The following RALGAPA2 variants were observed in gnomAD, a reference collection of about 807,000 sequenced individuals.
RALGAPA2 encodes the protein Ral GTPase activating protein catalytic subunit alpha 2.
A neutral mutation model predicts 230.4 loss-of-function variants in RALGAPA2; 139 were observed. The ratio of observed to expected loss-of-function variants is 0.60; its 90% CI spans 0.53 to 0.69. The LOEUF (loss-of-function observed/expected upper bound fraction) is 0.69, where lower values mean the gene tolerates loss of function less well. RALGAPA2 is among the 30% of genes least tolerant of loss of function. The probability of loss-of-function intolerance (pLI) is 0.00; values close to 1 mark genes in which losing one functional copy is unlikely to be tolerated. For missense variants in RALGAPA2, 2,163 were observed against 2,276.0 expected (o/e 0.95, Z 1.01); for synonymous variants, 847 against 837.8 (o/e 1.01, Z -0.19).
chr20:20,533,075 G>A (rs2063408449), intron 26 of RALGAPA2, among the ~76,000 whole-genome samples: 1 of 151,250 alleles, frequency 6.6e-6, no homozygotes, highest in Admixed American at 6.6e-5. Flanking sequence ...AATGGGATGG[G>A]GAAATGAAGG....
intron 4 of RALGAPA2, among the ~76,000 whole-genome samples, chr20:20,648,633 G>A (rs977447280): frequency 3.3e-5 from 5 of 152,036 alleles, no homozygotes; most frequent in African/African-American, 9.7e-5. Context: ...AGAGATCAGT[G>A]TCTGAAGCCA....
At chr20:20,668,395 T>G (rs1353857362) in intron 3 of RALGAPA2, among the ~76,000 whole-genome samples, 3 of 152,120 alleles carry the variant, frequency 2.0e-5, no homozygotes, top group Non-Finnish European at 4.4e-5. Context: ...AGAGCGAGAC[T>G]GTGTCTCAAA....
At chr20:20,576,450 A>G (rs2064821885) in intron 20 of RALGAPA2, among the ~76,000 whole-genome samples, 1 of 152,122 alleles carries the variant, frequency 6.6e-6, no homozygotes, top group South Asian at 2.1e-4. Context: ...TTGTTCCTCA[A>G]TTGGAATCTA....
In RALGAPA2 at chr20:20,546,704, C is replaced by G. The variant is rs545779686; in HGVS notation, c.3285G>C (p.Thr1095=). Residue 1095 remains threonine, a splice_region_variant and synonymous_variant, in exon 24 of 40, where the codon ACG becomes ACC. Transcript: ENST00000202677. ...GGATGCTGAGCATTGTCATACTCAC[C>G]GTCAAAATGTCTGTGCTAAGGACCC... ...AARVLSTDIL[T]APRSEAVTVL... 6.9e-6 allele frequency: 11 copies of G among 1,593,380 alleles called. No individual in the cohort carries two copies. The highest frequency in any genetic ancestry group is 8.5e-6 in the Non-Finnish European group (10 of 1,173,632).
Position 20,601,854 on chromosome 20 carries a change from A to G in RALGAPA2, c.2039-8T>C. The G allele has an allele frequency of 6.4e-7, 1 of 1,574,674 alleles. No individual in the cohort carries two copies. The highest frequency in any genetic ancestry group is 8.6e-7 in the Non-Finnish European group (1 of 1,162,154). ...GAGGATCTAGAACACAGCCTGATAA[A>G]GGAAAAGAAAAATAATCTAAAGGCT... On this transcript the variant is annotated splice_region_variant and splice_polypyrimidine_tract_variant and intron_variant, in intron 15 of 39. Coordinates refer to ENST00000202677, the MANE Select transcript of RALGAPA2 (RefSeq NM_020343.4).
intron 12 of RALGAPA2, among the ~76,000 whole-genome samples, 166 bp downstream of exon 12, chr20:20,619,087 GTGGGTAGGAATTAGAAAGAAAACT>G (rs1671813511): frequency 6.6e-6 from 1 of 152,140 alleles, no homozygotes; most frequent in Admixed American, 6.5e-5. Context: ...TTTGTAAATT[GTGGGTAGGAATTAGAAAGAAAACT>G]CAGAATGAGA....
At chr20:20,682,032 G>A (rs1000134402) in intron 1 of RALGAPA2, among the ~76,000 whole-genome samples, 2 of 152,182 alleles carry the variant, frequency 1.3e-5, no homozygotes, top group African/African-American at 4.8e-5. Flanking sequence ...TACATATTAT[G>A]ATTTTCAAAT....
intron 14 of RALGAPA2, among the ~76,000 whole-genome samples, chr20:20,606,527 C>A (rs932591567): frequency 1.3e-5 from 2 of 152,088 alleles, no homozygotes; most frequent in Admixed American, 6.6e-5. Flanking sequence ...TTTGCACATA[C>A]TCTTCCTTCC....
At chr20:20,483,684 A>G (rs758928798) in intron 36 of RALGAPA2, among the ~76,000 whole-genome samples, 1 of 152,224 alleles carries the variant, frequency 6.6e-6, no homozygotes, top group Non-Finnish European at 1.5e-5. Flanking sequence ...CTGTGTACAG[A>G]CTTAGGAAAC....
At chr20:20,614,214 G>A (rs1198410453) in intron 13 of RALGAPA2, among the ~76,000 whole-genome samples, 2 of 151,982 alleles carry the variant, frequency 1.3e-5, no homozygotes, top group African/African-American at 2.4e-5. Flanking sequence ...CCATTTTTCC[G>A]TTAACTATTT....
chr20:20,601,861 G>T lies in RALGAPA2; in HGVS notation c.2039-15C>A. On this transcript the variant is annotated splice_polypyrimidine_tract_variant and intron_variant, in intron 15 of 39. Coordinates refer to ENST00000202677, the MANE Select transcript of RALGAPA2 (RefSeq NM_020343.4). ...TAGAACACAGCCTGATAAAGGAAAAGAAAAATAATCTAAAGGCTGAATTCA... is the reference window on the plus strand; with the variant it reads ...TAGAACACAGCCTGATAAAGGAAAATAAAAATAATCTAAAGGCTGAATTCA... The T allele has an allele frequency of 1.9e-6, 3 of 1,571,970 alleles. No individual in the cohort carries two copies. Among genetic ancestry groups the T allele is most frequent in the Non-Finnish European group, 2.6e-6 (3 of 1,158,924 alleles).
chr20:20,623,340 CA>C (rs2066380180), intron 10 of RALGAPA2, among the ~76,000 whole-genome samples: 1 of 152,062 alleles, frequency 6.6e-6, no homozygotes, highest in Non-Finnish European at 1.5e-5. Context: ...CAAAAATAGA[CA>C]AGATAGACTT....
chr20:20,644,708 T>C (rs758563807), intron 4 of RALGAPA2, among the ~76,000 whole-genome samples: 3 of 152,238 alleles, frequency 2.0e-5, no homozygotes, highest in Non-Finnish European at 4.4e-5. Flanking sequence ...CACAAAACTG[T>C]ATCCAGTAAT....
At chr20:20,588,372 T>A (rs569551241) in intron 18 of RALGAPA2, among the ~76,000 whole-genome samples, 1 of 152,322 alleles carries the variant, frequency 6.6e-6, no homozygotes, top group East Asian at 1.9e-4. Flanking sequence ...AACAATACTT[T>A]ATTAAAAAAT....
At chr20:20,694,034 G>T (rs943162667) in intron 1 of RALGAPA2, among the ~76,000 whole-genome samples, 6 of 152,064 alleles carry the variant, frequency 3.9e-5, no homozygotes, top group Non-Finnish European at 7.4e-5. Context: ...AGCCTGGGAT[G>T]TGGAGGTTGC....
At chr20:20,614,127 AAGGGATTATCTGGTACTTAAAT>A (rs1233356445) in intron 13 of RALGAPA2, among the ~76,000 whole-genome samples, 2 of 152,212 alleles carry the variant, frequency 1.3e-5, no homozygotes, top group Non-Finnish European at 2.9e-5. Flanking sequence ...GATGGGAGGC[AAGGGATTATCTGGTACTTAAAT>A]ACACAAGAAA....
At chr20:20,655,606 G>A (rs2067561236) in intron 3 of RALGAPA2, among the ~76,000 whole-genome samples, 1 of 151,694 alleles carries the variant, frequency 6.6e-6, no homozygotes, top group Non-Finnish European at 1.5e-5. Flanking sequence ...GAGGAGATGG[G>A]CCTGGAGAGG....
intron 5 of RALGAPA2, 56 bp downstream of exon 5, chr20:20,643,450 T>G: frequency 7.1e-7 from 1 of 1,414,558 alleles, no homozygotes; most frequent in South Asian, 1.3e-5. Flanking sequence ...TGTTACTTTG[T>G]GGCATTAACA....
At chr20:20,618,632 TG>T (rs907123719) in intron 12 of RALGAPA2, among the ~76,000 whole-genome samples, 2 of 152,048 alleles carry the variant, frequency 1.3e-5, no homozygotes, top group African/African-American at 2.4e-5. Context: ...GGATGAAGGG[TG>T]GCGGGCGAGG....
Sources: gnomAD v4.1 joint callset for allele counts (sites outside exome capture counted in the v4.1 genomes callset) on GRCh38, gnomAD v4.1.1 for gene constraint, MANE v1.5 for transcripts, NCBI Gene and HGNC (gene_info 2026-07-23, HGNC 2026-07-21) for gene names.